Variants in DMD observed in about 807,000 individuals in gnomAD.
DMD encodes mutant dystrophin.
Under a neutral mutation model 330.1 loss-of-function variants are expected in DMD, and 63 were observed. The ratio of observed to expected loss-of-function variants is 0.19; its 90% confidence interval spans 0.16 to 0.24. DMD has a LOEUF of 0.24. DMD is among the 10% of genes least tolerant of loss of function. The pLI, the probability that DMD is intolerant of heterozygous loss-of-function variation, is 1.00. For synonymous variants in DMD, 1,223 were observed against 959.8 expected (o/e 1.27, Z -5.07); for missense variants, 3,344 against 2,684.1 (o/e 1.25, Z -5.43).
At chrX:32,978,725 T>G (rs2092622526) in intron 2 of DMD, among the ~76,000 whole-genome samples, 1 of 112,498 alleles carries the variant, frequency 8.9e-6, no homozygotes, top group African/African-American at 3.2e-5. Context: ...TGTCTGGGCC[T>G]CCCAAAGTGC....
In DMD at chrX:33,005,444, G is replaced by GA. The variant is rs772755245; in HGVS notation, c.93+14694dup. ...AAGCTAAGATCACTTGTAATTTGAG[G>GA]AATGACTTCAATAATGAGAAACAGT... On this transcript the variant is annotated intron_variant, in intron 2 of 78. Transcript: ENST00000357033. Among the ~76,000 whole-genome samples, 4 of 108,765 alleles carry GA rather than the reference G, an allele frequency of 3.7e-5. No individual in the cohort carries two copies. The South Asian group carries it at 1.6e-3, about 42-fold the overall frequency. The allele number at this position is 108,765 out of a possible 115,157, so 94.4% of individuals were successfully genotyped here. A position where few individuals can be genotyped will look rare whatever the true frequency, so the allele number is the denominator to read the frequency against.
chrX:32,720,918 GTATTCAACT>G (rs2066236299), intron 7 of DMD, among the ~76,000 whole-genome samples: 1 of 111,380 alleles, frequency 9.0e-6, no homozygotes, highest in South Asian at 3.7e-4. Flanking sequence ...TACTGTCTAT[GTATTCAACT>G]TATACATTTT....
chrX:32,702,081 G>A (rs181512692), intron 7 of DMD, among the ~76,000 whole-genome samples: 1,906 of 111,628 alleles, frequency 0.017, 21 homozygotes, highest in Non-Finnish European at 0.027. Context: ...ACATTTTCAA[G>A]AAATCTATTA....
intron 1 of DMD, among the ~76,000 whole-genome samples, chrX:33,123,884 G>C (rs1216533277): frequency 5.4e-5 from 6 of 110,609 alleles, no homozygotes; most frequent in Non-Finnish European, 1.1e-4. Context: ...GAAATAAAAG[G>C]CTGGGCGTTG....
intron 29 of DMD, among the ~76,000 whole-genome samples, chrX:32,423,085 C>T (rs984896383): frequency 9.0e-6 from 1 of 111,031 alleles, no homozygotes; most frequent in East Asian, 2.8e-4. Flanking sequence ...AAAAGAGAAA[C>T]TTCAATCCAA....
At chrX:32,457,493 A>G (rs1438172956) in intron 25 of DMD, among the ~76,000 whole-genome samples, 2 of 110,943 alleles carry the variant, frequency 1.8e-5, no homozygotes, top group African/African-American at 6.5e-5. Context: ...TAGGAGGTAG[A>G]GGGCTGTTCA....
chrX:33,218,296 C>T (rs1175264419), intron 1 of DMD, among the ~76,000 whole-genome samples: 1 of 111,240 alleles, frequency 9.0e-6, no homozygotes, highest in Non-Finnish European at 1.9e-5. Flanking sequence ...AATTTGTTGA[C>T]TCTTCTACTG....
chrX:32,681,777 A>G (rs746685846), intron 9 of DMD, among the ~76,000 whole-genome samples: 1 of 112,172 alleles, frequency 8.9e-6, no homozygotes, highest in Non-Finnish European at 1.9e-5. Context: ...AAATATCGTA[A>G]TGTCAGTAGT....
At chrX:32,053,305 A>G (rs2096131941) in intron 44 of DMD, among the ~76,000 whole-genome samples, 1 of 111,110 alleles carries the variant, frequency 9.0e-6, no homozygotes, top group Non-Finnish European at 1.9e-5. Context: ...TCAAAATACT[A>G]TGGAGAATAG....
chrX:32,372,642 T>A (rs1345729761), intron 34 of DMD, among the ~76,000 whole-genome samples: 1 of 111,623 alleles, frequency 9.0e-6, no homozygotes, highest in Non-Finnish European at 1.9e-5. Context: ...CTAGGATTGA[T>A]CCATATTTTT....
At chrX:31,918,017 C>T (rs1473529325) in intron 47 of DMD, among the ~76,000 whole-genome samples, 1 of 111,529 alleles carries the variant, frequency 9.0e-6, no homozygotes, top group Non-Finnish European at 1.9e-5. Context: ...TTTTCCCTTG[C>T]CAATATTATA....
At chrX:31,731,749 C>G (rs1421942053) in intron 51 of DMD, among the ~76,000 whole-genome samples, 1 of 111,329 alleles carries the variant, frequency 9.0e-6, no homozygotes. Context: ...TTGGGTTGTT[C>G]TTCTTTTAAT....
At chrX:32,232,185 G>T (rs904783895) in intron 43 of DMD, among the ~76,000 whole-genome samples, 1 of 111,834 alleles carries the variant, frequency 8.9e-6, no homozygotes, top group African/African-American at 3.3e-5. Flanking sequence ...ACTATTTTCA[G>T]GAGACATGAC....
At chrX:32,066,086 G>T in intron 44 of DMD, among the ~76,000 whole-genome samples, 1 of 111,275 alleles carries the variant, frequency 9.0e-6, no homozygotes, top group Middle Eastern at 4.6e-3. Context: ...GGTGTACTTT[G>T]AATCAGATTG....
intron 55 of DMD, among the ~76,000 whole-genome samples, chrX:31,600,725 C>T (rs749540673): frequency 1.1e-4 from 12 of 108,782 alleles, no homozygotes; most frequent in African/African-American, 3.7e-4. Flanking sequence ...CTCTTTTTCC[C>T]TGAGTATCAT....
chrX:32,809,702 T>C, intron 6 of DMD, 91 bp from the exon 7 acceptor site: 1 of 764,821 alleles, frequency 1.3e-6, no homozygotes, highest in Non-Finnish European at 2.0e-6. Flanking sequence ...TTAATTTTCA[T>C]TGACAACCAA....
chrX:32,163,539 C>T lies in DMD; in HGVS notation c.6438+53377G>A, dbSNP rs188499451. On this transcript the variant is annotated intron_variant, in intron 44 of 78. Transcript: ENST00000357033. ...ATTAAAGGGTGGCTTGAGATAGTTCCTTTGTGACGCTGGAACTATTCAGTA... is the reference window on the plus strand; with the variant it reads ...ATTAAAGGGTGGCTTGAGATAGTTCTTTTGTGACGCTGGAACTATTCAGTA... Among the ~76,000 whole-genome samples the T allele has an allele frequency of 5.8e-3, 650 of 111,798 alleles. 5 individuals carry two copies. Among genetic ancestry groups the T allele is most frequent in the African/African-American group, 0.02 (618 of 30,737 alleles).
chrX:31,314,779 A>AGAGAGAGAGAGAGAGAGAGAGAGTGT (rs1225831523), intron 62 of DMD, among the ~76,000 whole-genome samples: 4 of 93,433 alleles, frequency 4.3e-5, no homozygotes, highest in African/African-American at 1.7e-4. Flanking sequence ...AGAGAGAGAG[A>AGAGAGAGAGAGAGAGAGAGAGAGTGT]GTGTTTTACC....
At chrX:32,810,998 T>A (rs1402836495) in intron 6 of DMD, among the ~76,000 whole-genome samples, 2 of 109,571 alleles carry the variant, frequency 1.8e-5, no homozygotes, top group African/African-American at 3.3e-5. Context: ...TACTCGAAAA[T>A]CACATCACTG....
Sources: allele counts gnomAD v4.1 joint callset (sites outside exome capture counted in the v4.1 genomes callset), GRCh38; gene constraint gnomAD v4.1.1; transcripts MANE v1.5; gene names NCBI Gene and HGNC (gene_info 2026-07-23, HGNC 2026-07-21).